Variants in KCNMB2 observed in about 807,000 individuals in gnomAD.
KCNMB2 encodes calcium-activated potassium channel subunit beta-2.
A neutral mutation model predicts 24.5 loss-of-function variants in KCNMB2; 9 were observed. The ratio of observed to expected loss-of-function variants is 0.37; its 90% CI spans 0.22 to 0.64. KCNMB2 has a LOEUF of 0.64. KCNMB2 is among the 30% of genes least tolerant of loss of function. KCNMB2 has a pLI of 0.63. For missense variants in KCNMB2, 226 were observed against 284.3 expected, an observed-to-expected ratio of 0.79 and a Z score of 1.47; for synonymous variants, 109 against 104.4, an observed-to-expected ratio of 1.04 and a Z score of -0.27.
intron 1 of KCNMB2, among the ~76,000 whole-genome samples, chr3:178,805,828 G>C (rs1300704010): frequency 6.6e-6 from 1 of 151,796 alleles, no homozygotes; most frequent in Non-Finnish European, 1.5e-5. Flanking sequence ...TGTAGAGACG[G>C]GATCTTGCTA....
chr3:178,560,280 G>T (rs1286921444), intron 1 of KCNMB2, among the ~76,000 whole-genome samples: 1 of 152,118 alleles, frequency 6.6e-6, no homozygotes, highest in Non-Finnish European at 1.5e-5. Context: ...GTGAGTTAGA[G>T]ATAAGAAAGG....
intron 1 of KCNMB2, among the ~76,000 whole-genome samples, chr3:178,679,236 T>C (rs1347431330): frequency 1.3e-5 from 2 of 151,766 alleles, no homozygotes; most frequent in African/African-American, 4.8e-5. Context: ...TTCTCCTTTA[T>C]TTTTTCTTTT....
rs529431908 is a variant in KCNMB2 at position 178,600,455 on chromosome 3, A to G, written c.-68+63744A>G. Among the ~76,000 whole-genome samples, 5 of 152,296 alleles carry G rather than the reference A, an allele frequency of 3.3e-5. No individual in the cohort carries two copies. In the South Asian group the frequency reaches 1.0e-3, roughly 32 times the overall value. The stretch of plus-strand genomic sequence containing the variant: ...AGTAGAATTGCTGGATCATACAATA[A>G]CTCTGTTTTTAATTTTTTAAGGAAT... On this transcript the variant is annotated intron_variant, in intron 1 of 4. Transcript: ENST00000452583.
At chr3:178,540,186 C>T (rs1374425854) in intron 1 of KCNMB2, among the ~76,000 whole-genome samples, 1 of 152,176 alleles carries the variant, frequency 6.6e-6, no homozygotes, top group Non-Finnish European at 1.5e-5. Flanking sequence ...CCTTGGAGTC[C>T]TCTGTGATCC....
At chr3:178,813,774 C>T (rs114276712) in intron 2 of KCNMB2, among the ~76,000 whole-genome samples, 1 of 152,072 alleles carries the variant, frequency 6.6e-6, no homozygotes, top group African/African-American at 2.4e-5. Flanking sequence ...CTAATTAAGT[C>T]TTTAAAATTG....
At chr3:178,709,979 T>C (rs934356770) in intron 1 of KCNMB2, among the ~76,000 whole-genome samples, 3 of 152,114 alleles carry the variant, frequency 2.0e-5, no homozygotes, top group African/African-American at 7.2e-5. Flanking sequence ...TCAACAGCAA[T>C]TTATACCGAG....
At chr3:178,842,117 T>G (rs1715448092) in intron 4 of KCNMB2, among the ~76,000 whole-genome samples, 1 of 152,164 alleles carries the variant, frequency 6.6e-6, no homozygotes, top group Admixed American at 6.5e-5. Context: ...AGTGTAGCTG[T>G]TTTTTTATGA....
chr3:178,806,494 G>A (rs1304616462), intron 1 of KCNMB2, among the ~76,000 whole-genome samples: 1 of 152,118 alleles, frequency 6.6e-6, no homozygotes, highest in Non-Finnish European at 1.5e-5. Context: ...ATGCATCCAT[G>A]AAGGAATCAC....
At chr3:178,771,480 T>TC (rs536599671) in intron 1 of KCNMB2, among the ~76,000 whole-genome samples, 2 of 133,348 alleles carry the variant, frequency 1.5e-5, no homozygotes, top group South Asian at 5.3e-4. Context: ...TTTCTTTTTT[T>TC]TTTTTTTTTT....
At chr3:178,687,169 A>G (rs564966607) in intron 1 of KCNMB2, among the ~76,000 whole-genome samples, 2 of 152,222 alleles carry the variant, frequency 1.3e-5, no homozygotes, top group South Asian at 2.1e-4. Context: ...TAAGAAAACT[A>G]TATCTCTGGC....
intron 1 of KCNMB2, among the ~76,000 whole-genome samples, chr3:178,545,033 C>T (rs1715733189): frequency 6.6e-6 from 1 of 152,164 alleles, no homozygotes; most frequent in Admixed American, 6.6e-5. Flanking sequence ...GACTGCTTGA[C>T]TGGGGATTTA....
At chr3:178,549,668 A>G (rs568889586) in intron 1 of KCNMB2, among the ~76,000 whole-genome samples, 10 of 152,108 alleles carry the variant, frequency 6.6e-5, no homozygotes, top group African/African-American at 1.4e-4. Context: ...CAGCAGTTTT[A>G]ACAATAAGCT....
In KCNMB2 at chr3:178,638,781, G is replaced by T. The variant is rs568834221; in HGVS notation, c.-68+102070G>T. Among the ~76,000 whole-genome samples, 19 of 152,290 alleles carry T rather than the reference G, an allele frequency of 1.2e-4. No homozygotes were observed. The East Asian group carries it at 2.9e-3, about 23-fold the overall frequency. On this transcript the variant is annotated intron_variant, in intron 1 of 4. Transcript: ENST00000452583. ...TAGAAAGAACATATCAATTAGAGGG[G>T]TTGTTTAGATGGGCTGTTCTGGTAC...
intron 1 of KCNMB2, among the ~76,000 whole-genome samples, chr3:178,654,771 A>G (rs2108563704): frequency 6.6e-6 from 1 of 152,302 alleles, no homozygotes; most frequent in East Asian, 1.9e-4. Flanking sequence ...TGACTAGCAA[A>G]ACGTAAGGTG....
chr3:178,709,841 C>A (rs950735802), intron 1 of KCNMB2, among the ~76,000 whole-genome samples: 3 of 152,134 alleles, frequency 2.0e-5, no homozygotes, highest in African/African-American at 7.2e-5. Context: ...CATCTTGTTT[C>A]ATCTCCACTA....
chr3:178,722,431 A>G (rs1722837123), intron 1 of KCNMB2, among the ~76,000 whole-genome samples: 1 of 152,208 alleles, frequency 6.6e-6, no homozygotes, highest in Admixed American at 6.5e-5. Flanking sequence ...TTCTTGCTGC[A>G]TCATCCCATG....
At position 178,712,939 on chromosome 3, in the gene KCNMB2, T is replaced by C. The variant is rs78749224; in HGVS notation, c.-67-94404T>C. On this transcript the variant is annotated intron_variant, in intron 1 of 4. Coordinates refer to ENST00000452583, the MANE Select transcript of KCNMB2 (RefSeq NM_181361.3). ...AAACTAAATAGAAAGTTAAAGCAAC[T>C]GGCAAACTCATAGCCCTAGCCCACA... Among the ~76,000 whole-genome samples the C allele has an allele frequency of 6.9e-3, 1,053 of 152,344 alleles. 12 individuals are homozygous for C. Among genetic ancestry groups the C allele is most frequent in the African/African-American group, 0.025 (1,019 of 41,582 alleles).
At chr3:178,723,053 G>A (rs1377482132) in intron 1 of KCNMB2, among the ~76,000 whole-genome samples, 1 of 152,104 alleles carries the variant, frequency 6.6e-6, no homozygotes, top group Non-Finnish European at 1.5e-5. Flanking sequence ...TCAGTTTCTA[G>A]ACTCTCCATT....
intron 1 of KCNMB2, among the ~76,000 whole-genome samples, chr3:178,711,924 G>A (rs1722468184): frequency 6.6e-6 from 1 of 152,130 alleles, no homozygotes; most frequent in African/African-American, 2.4e-5. Flanking sequence ...GCGTTGTTAT[G>A]AGGATTAACT....
Sources: allele counts gnomAD v4.1 joint callset (sites outside exome capture counted in the v4.1 genomes callset), GRCh38; gene constraint gnomAD v4.1.1; transcripts MANE v1.5; gene names NCBI Gene and HGNC (gene_info 2026-07-23, HGNC 2026-07-21).